SNX8: variants seen among roughly 807,000 people sequenced by gnomAD.
SNX8 encodes sorting nexin 8, also known as sorting nexin-8.
A neutral mutation model predicts 51.6 loss-of-function variants in SNX8; 25 were observed. The ratio of observed to expected loss-of-function variants is 0.48; its 90% CI spans 0.35 to 0.68. SNX8 has a LOEUF of 0.68. Among genes scored for constraint, SNX8 ranks in the 30% least tolerant of loss-of-function variants. The pLI is 0.00. For missense variants in SNX8, 695 were observed against 624.0 expected (o/e 1.11, Z -1.21); for synonymous variants, 324 against 277.0 (o/e 1.17, Z -1.68).
intron 1 of SNX8, among the ~76,000 whole-genome samples, chr7:2,299,841 T>C (rs1420369770): frequency 6.6e-6 from 1 of 152,148 alleles, no homozygotes; most frequent in Non-Finnish European, 1.5e-5. Context: ...GAACCTTCAT[T>C]GGCCACCAAA....
At chr7:2,330,121 G>A (rs1171811059) in intron 1 of SNX8, among the ~76,000 whole-genome samples, 4 of 140,878 alleles carry the variant, frequency 2.8e-5, no homozygotes, top group African/African-American at 1.1e-4. Flanking sequence ...ATGAGCCACT[G>A]CGCCCGGCCC....
intron 1 of SNX8, among the ~76,000 whole-genome samples, chr7:2,300,223 C>T (rs1796361242): frequency 6.6e-6 from 1 of 152,142 alleles, no homozygotes; most frequent in African/African-American, 2.4e-5. Context: ...ATTGGTTAAC[C>T]AGGATGCTCA....
chr7:2,352,936 T>C lies in SNX8; in HGVS notation c.-66+1286A>G, dbSNP rs191108917. Among the ~76,000 whole-genome samples the C allele has an allele frequency of 9.2e-5, 14 of 152,216 alleles. No individual in the cohort carries two copies. In the East Asian group the frequency reaches 1.2e-3, roughly 13 times the overall value. On this transcript the variant is annotated intron_variant, in intron 1 of 5. Transcript: ENST00000435336. ...CAAAGATACACCACTGACAGCATGA[T>C]GAGGAGTAGTCAAACCTGGTACTAG...
chr7:2,343,055 A>G (rs1207484051), intron 1 of SNX8, among the ~76,000 whole-genome samples: 1 of 151,718 alleles, frequency 6.6e-6, no homozygotes, highest in East Asian at 2.0e-4. Flanking sequence ...TCGACCTCCC[A>G]GACTGCTGGG....
intron 1 of SNX8, among the ~76,000 whole-genome samples, chr7:2,301,803 A>G (rs913979356): frequency 6.6e-6 from 1 of 152,144 alleles, no homozygotes. Context: ...TCCAGCGTCG[A>G]GTTCTGTCTC....
At chr7:2,300,246 G>A (rs776925078) in intron 1 of SNX8, among the ~76,000 whole-genome samples, 14 of 152,124 alleles carry the variant, frequency 9.2e-5, no homozygotes, top group Non-Finnish European at 1.8e-4. Flanking sequence ...TTATCTTAAC[G>A]CGTTTAAGGG....
At chr7:2,306,035 T>C (rs1796536694) in intron 1 of SNX8, among the ~76,000 whole-genome samples, 1 of 152,202 alleles carries the variant, frequency 6.6e-6, no homozygotes, top group Non-Finnish European at 1.5e-5. Context: ...TACGGCATCT[T>C]CCTCGATTTT....
intron 1 of SNX8, among the ~76,000 whole-genome samples, chr7:2,340,669 C>G (rs1427411329): frequency 1.3e-5 from 2 of 150,550 alleles, no homozygotes; most frequent in African/African-American, 4.9e-5. Context: ...CCAGCCTGGC[C>G]AATATAGTGA....
upstream of SNX8, chr7:2,314,450 CCCGCGCCACCCGG>C: frequency 8.3e-7 from 1 of 1,202,948 alleles, no homozygotes; most frequent in East Asian, 3.4e-5. Flanking sequence ...GTGACTTCCT[CCCGCGCCACCCGG>C]CCGCGCAGCC....
chr7:2,274,977 C>G, intron 3 of SNX8, 135 bp downstream of exon 3: 1 of 592,016 alleles, frequency 1.7e-6, no homozygotes, highest in Non-Finnish European at 2.9e-6. Context: ...TCCCAGATGC[C>G]AAAAGGCTGG....
chr7:2,332,126 G>C (rs549643170), intron 1 of SNX8, among the ~76,000 whole-genome samples: 1 of 151,750 alleles, frequency 6.6e-6, no homozygotes, highest in African/African-American at 2.4e-5. Flanking sequence ...AGGATCGCTT[G>C]AGCCTCGGAA....
chr7:2,331,845 A>T (rs1269896498), intron 1 of SNX8, among the ~76,000 whole-genome samples: 1 of 152,022 alleles, frequency 6.6e-6, no homozygotes, highest in Admixed American at 6.6e-5. Context: ...ACGCCACTGC[A>T]CTCCAGCCTG....
chr7:2,342,797 TTTTA>T (rs931915976), intron 1 of SNX8, among the ~76,000 whole-genome samples: 11 of 152,080 alleles, frequency 7.2e-5, no homozygotes, highest in Non-Finnish European at 1.3e-4. Context: ...CCATCCTTGC[TTTTA>T]TTTATTTATT....
chr7:2,263,276 C>G lies in SNX8; in HGVS notation c.869G>C (p.Gly290Ala), dbSNP rs758380269. Residue 290 changes from glycine to alanine, a missense_variant, in exon 7 of 11, where the codon GGC becomes GCC. Transcript: ENST00000222990. Reference protein sequence around the residue: ...TWGSLKQALKGLSVEFALLAD... With the variant: ...TWGSLKQALKALSVEFALLAD... ...GAGCAGCGCGAATTCCACAGACAGGCCTTTCAGAGCCTGCTTCAGGGACCC... is the reference window on the plus strand; with the variant it reads ...GAGCAGCGCGAATTCCACAGACAGGGCTTTCAGAGCCTGCTTCAGGGACCC... 2.5e-6 allele frequency: 4 copies of G among 1,613,858 alleles called. No homozygotes were observed. The highest frequency in any genetic ancestry group is 3.4e-6 in the Non-Finnish European group (4 of 1,180,032).
intron 1 of SNX8, among the ~76,000 whole-genome samples, chr7:2,304,610 AG>A (rs1368327812): frequency 6.6e-6 from 1 of 152,040 alleles, no homozygotes; most frequent in East Asian, 1.9e-4. Flanking sequence ...CTCACTGAGT[AG>A]CCCACCTTGG....
intron 1 of SNX8, among the ~76,000 whole-genome samples, chr7:2,283,921 G>A (rs1403704277): frequency 6.6e-6 from 1 of 152,042 alleles, no homozygotes; most frequent in Non-Finnish European, 1.5e-5. Flanking sequence ...TCAACCTCCC[G>A]AGTAGCTGGG....
Position 2,269,531 on chromosome 7 carries a change from AAAAAAAAG to A in SNX8, c.621+20_621+27del. On this transcript the variant is annotated intron_variant, in intron 5 of 10. Coordinates refer to ENST00000222990, the MANE Select transcript of SNX8 (RefSeq NM_013321.4). Reference sequence around the variant, plus strand: ...TCAATAAAAAAATAAATTAAAAAAAAAAAAAAAGAAAAAAAAAAGAAAAATACCTTGGC... The same window carrying A: ...TCAATAAAAAAATAAATTAAAAAAAAAAAAAAAAAAGAAAAATACCTTGGC... The A allele has an allele frequency of 1.5e-6, 2 of 1,362,054 alleles. No individual in the cohort carries two copies. The highest frequency in any genetic ancestry group is 2.0e-6 in the Non-Finnish European group (2 of 1,009,614). The allele number at this position is 1,362,054 out of a possible 1,614,324, so 84.4% of individuals were successfully genotyped here.
chr7:2,278,265 C>G lies in SNX8; in HGVS notation c.135G>C (p.Val45=). The change falls in exon 2 of 11, where the codon GTG becomes GTC. Residue 45 remains valine (V), a synonymous_variant. Coordinates refer to ENST00000222990, the MANE Select transcript of SNX8 (RefSeq NM_013321.4). ...TPQAIEPQAI[V]QQVPAPSRMQ... ...TTCGACTGGGGGCTGGGACCTGCTG[C>G]ACGATGGCCTGGGGCTCGATGGCCT... The G allele has an allele frequency of 1.2e-6, 2 of 1,602,330 alleles. No individual in the cohort carries two copies. The highest frequency in any genetic ancestry group is 1.7e-6 in the Non-Finnish European group (2 of 1,171,546).
At chr7:2,303,120 CCCGCCCGGCCAG>C (rs1329044055) in intron 1 of SNX8, among the ~76,000 whole-genome samples, 1 of 147,388 alleles carries the variant, frequency 6.8e-6, no homozygotes, top group Non-Finnish European at 1.5e-5. Context: ...GGGTCAGCCC[CCCGCCCGGCCAG>C]CCGCCCCGTC....
Sources: gnomAD v4.1 joint callset for allele counts (sites outside exome capture counted in the v4.1 genomes callset) on GRCh38, gnomAD v4.1.1 for gene constraint, MANE v1.5 for transcripts, NCBI Gene and HGNC (gene_info 2026-07-23, HGNC 2026-07-21) for gene names.